The following SLC22A11 variants were observed in gnomAD, a reference collection of about 807,000 sequenced individuals.
The protein encoded by SLC22A11 is solute carrier family 22 member 11.
In SLC22A11, 42 loss-of-function variants were observed where a neutral mutation model predicts 49.4. That is an observed-to-expected ratio of 0.85 (90% CI 0.66 to 1.10). The LOEUF (loss-of-function observed/expected upper bound fraction) is 1.10, where lower values mean the gene tolerates loss of function less well. Among genes scored for constraint, SLC22A11 ranks in the 50% least tolerant of loss-of-function variants. The pLI, the probability that SLC22A11 is intolerant of heterozygous loss-of-function variation, is 0.00. For missense variants in SLC22A11, 685 were observed against 731.6 expected, an observed-to-expected ratio of 0.94 and a Z score of 0.74; for synonymous variants, 304 against 315.8, an observed-to-expected ratio of 0.96 and a Z score of 0.40.
chr11:64,561,197 G>A (rs995309140), intron 2 of SLC22A11, among the ~76,000 whole-genome samples: 1 of 152,192 alleles, frequency 6.6e-6, no homozygotes, highest in Non-Finnish European at 1.5e-5. Flanking sequence ...CTCTGCATCC[G>A]CCCCATGAGC....
chr11:64,571,176 G>A lies in SLC22A11; in HGVS notation c.*134G>A. ...GCAGAGGCCAGGCAGCCGTGGCCGA[G>A]TGGACAGCGTGGCCGTCTGCTGTGG... On this transcript the variant is annotated 3_prime_UTR_variant, in exon 10 of 10. Transcript: ENST00000301891. The A allele has an allele frequency of 1.1e-6, 1 of 889,186 alleles. No homozygotes were observed. The highest frequency in any genetic ancestry group is 2.5e-5 in the East Asian group (1 of 40,734). The allele number at this position is 889,186 out of a possible 1,614,324, so 55.1% of individuals were successfully genotyped here.
chr11:64,564,280 T>C lies in SLC22A11; in HGVS notation c.822-28T>C, dbSNP rs74399625. ...CCCCGGGGGAGAGCCCAGCGTGCAC[T>C]CCCAGCTACACACCTGCCTCCTTAC... On this transcript the variant is annotated intron_variant, in intron 4 of 9. Coordinates refer to ENST00000301891, the MANE Select transcript of SLC22A11 (RefSeq NM_018484.4). This position sits in a 1 kb window ranked among gnomAD's most constrained non-coding sequence, Gnocchi z 4.2. 6.2e-7 allele frequency: 1 copy of C among 1,613,370 alleles called. No individual in the cohort carries two copies. Among genetic ancestry groups the C allele is most frequent in the Non-Finnish European group, 8.5e-7 (1 of 1,179,746 alleles).
Position 64,568,759 on chromosome 11 carries a change from C to T in SLC22A11, c.1363C>T (p.Leu455Phe). ...LTCLTIYKAE[L>F]FPTPVRMTAD... Reference sequence around the variant, plus strand: ...CTGCCTCACCATCTACAAGGCTGAACTCTTTCCAACGCCAGTGCGGTAAGC... The same window carrying T: ...CTGCCTCACCATCTACAAGGCTGAATTCTTTCCAACGCCAGTGCGGTAAGC... The change falls in exon 8 of 10, where the codon CTC becomes TTC. Residue 455 changes from leucine (L) to phenylalanine (F), a missense_variant. By Grantham distance (22) the Leu-to-Phe change is conservative. Transcript: ENST00000301891. The T allele has an allele frequency of 6.2e-7, 1 of 1,614,092 alleles. No individual in the cohort carries two copies. Among genetic ancestry groups the T allele is most frequent in the Admixed American group, 1.7e-5 (1 of 60,032 alleles).
chr11:64,567,751 T>C lies in SLC22A11; in HGVS notation c.1211T>C (p.Ile404Thr), dbSNP rs377395837. 5.6e-6 allele frequency: 9 copies of C among 1,612,910 alleles called. No individual in the cohort carries two copies. Among genetic ancestry groups the C allele is most frequent in the Middle Eastern group, 3.4e-4 (2 of 5,928 alleles). Residue 404 changes from isoleucine (I) to threonine (T), a missense_variant, in exon 7 of 10, where the codon ATC becomes ACC. Transcript: ENST00000301891. ...LLLSFLGRRT[I>T]QAGSQAMAGL... ...CTCAGTTTCCTTGGCCGCCGCACCA[T>C]CCAGGCGGGTTCCCAGGCCATGGCC...
At chr11:64,558,628 G>T (rs1156950277) in intron 1 of SLC22A11, among the ~76,000 whole-genome samples, 1 of 152,178 alleles carries the variant, frequency 6.6e-6, no homozygotes, top group East Asian at 1.9e-4. Flanking sequence ...CCCAGCCGAG[G>T]CAGTGGCTCT....
chr11:64,569,855 G>T lies in SLC22A11; in HGVS notation c.1586G>T (p.Ser529Ile). Residue 529 changes from serine to isoleucine, a missense_variant, in exon 9 of 10, where the codon AGC becomes ATC. Transcript: ENST00000301891. ...PLPDTIQDLE[S>I]QKSTAAQGNR... ...CCTGACACTATCCAGGACCTGGAGA[G>T]CCAGTGAGTGACCTGTGATCCCTGG... The T allele has an allele frequency of 6.2e-7, 1 of 1,612,520 alleles. No individual in the cohort carries two copies. The highest frequency in any genetic ancestry group is 8.5e-7 in the Non-Finnish European group (1 of 1,180,008).
intron 9 of SLC22A11, 132 bp from the exon 10 acceptor site, chr11:64,570,847 G>A (rs963866666): frequency 3.5e-5 from 27 of 762,964 alleles, no homozygotes; most frequent in East Asian, 1.5e-4. Flanking sequence ...TCCCGCTTGG[G>A]TACACAGAAG....
rs747047045 is a variant in SLC22A11 at position 64,567,745 on chromosome 11, G to T, written c.1205G>T (p.Arg402Leu). 2 of 1,612,946 alleles carry T rather than the reference G, an allele frequency of 1.2e-6. No homozygotes were observed. The highest frequency in any genetic ancestry group is 1.1e-5 in the South Asian group (1 of 91,068). ...TALLLSFLGR[R>L]TIQAGSQAMA... The stretch of plus-strand genomic sequence containing the variant: ...CTCTTGCTCAGTTTCCTTGGCCGCC[G>T]CACCATCCAGGCGGGTTCCCAGGCC... The change falls in exon 7 of 10, where the codon CGC becomes CTC. Residue 402 changes from arginine (R) to leucine (L), a missense_variant. Physicochemically the swap from Arg to Leu is moderately radical, Grantham distance 102. Coordinates refer to ENST00000301891, the MANE Select transcript of SLC22A11 (RefSeq NM_018484.4).
intron 9 of SLC22A11, 61 bp from the exon 10 acceptor site, chr11:64,570,918 C>T (rs537615791): frequency 6.3e-7 from 1 of 1,579,296 alleles, no homozygotes; most frequent in South Asian, 1.1e-5. Context: ...CCATTTTGCC[C>T]CAAGCTCCGA....
At position 64,558,452 on chromosome 11, in the gene SLC22A11, G is replaced by C. The variant is rs142852645; in HGVS notation, c.394-683G>C. Among the ~76,000 whole-genome samples the C allele has an allele frequency of 3.3e-3, 501 of 152,312 alleles. 1 individual carries two copies. Among genetic ancestry groups the C allele is most frequent in the Non-Finnish European group, 5.8e-3 (394 of 68,020 alleles). On this transcript the variant is annotated intron_variant, in intron 1 of 9. Transcript: ENST00000301891. ...GAGCTGCCGGGCCTCAGTGGAGGAC[G>C]GACTTGGGGATGGGTGTGGGGTGTT...
rs548630126 is a variant in SLC22A11, at chr11:64,556,519, G to A, written c.393+127G>A. 1.4e-4 allele frequency: 197 copies of A among 1,405,922 alleles called. 1 individual carries two copies. In the Admixed American group the frequency reaches 1.8e-3, roughly 13 times the overall value. The allele number at this position is 1,405,922 out of a possible 1,614,324, so 87.1% of individuals were successfully genotyped here. On this transcript the variant is annotated intron_variant, in intron 1 of 9. Coordinates refer to ENST00000301891, the MANE Select transcript of SLC22A11 (RefSeq NM_018484.4). ...CTCCTCTCGAGCCTCTCAGCCCCTCGTCAGCCACACACAGGGGAGTGGGCG... is the reference window on the plus strand; with the variant it reads ...CTCCTCTCGAGCCTCTCAGCCCCTCATCAGCCACACACAGGGGAGTGGGCG...
rs748780870 is a variant in SLC22A11 at position 64,556,100 on chromosome 11, A to G, written c.101A>G (p.Gln34Arg). The stretch of plus-strand genomic sequence containing the variant: ...CTCCCCTGCCTCATGATACCTTCCC[A>G]GATGCTCCTGGAGAACTTCTCAGCC... ...FILPCLMIPSQMLLENFSAAI... is the reference protein window; with the variant it reads ...FILPCLMIPSRMLLENFSAAI... Residue 34 changes from glutamine (Q) to arginine (R), a missense_variant, in exon 1 of 10, where the codon CAG becomes CGG. Gln to Arg is a conservative substitution (Grantham distance 43). Coordinates refer to ENST00000301891, the MANE Select transcript of SLC22A11 (RefSeq NM_018484.4). 1.3e-5 allele frequency: 21 copies of G among 1,614,098 alleles called. No individual in the cohort carries two copies. The highest frequency in any genetic ancestry group is 1.4e-5 in the Non-Finnish European group (17 of 1,180,010).
chr11:64,567,901 GC>G (rs369580711), intron 7 of SLC22A11, 88 bp downstream of exon 7: 2 of 1,363,842 alleles, frequency 1.5e-6, no homozygotes, highest in Non-Finnish European at 2.0e-6. Flanking sequence ...CCCCTCCCTG[GC>G]CCCAGGAGCT....
At chr11:64,560,470 C>CGAGGAG (rs1364510454) in intron 2 of SLC22A11, among the ~76,000 whole-genome samples, 3 of 152,242 alleles carry the variant, frequency 2.0e-5, no homozygotes, top group Non-Finnish European at 4.4e-5. Flanking sequence ...CACCAGCCTC[C>CGAGGAG]TCCTGGGGCC....
chr11:64,560,306 C>T lies in SLC22A11; in HGVS notation c.497+1068C>T, dbSNP rs370746171. On this transcript the variant is annotated intron_variant, in intron 2 of 9. Transcript: ENST00000301891. Reference sequence around the variant, plus strand: ...AGGTGTCCTCTGCAGTGGCCGTCCACGCTGCCACAGCACTGAGTGACTTTG... The same window carrying T: ...AGGTGTCCTCTGCAGTGGCCGTCCATGCTGCCACAGCACTGAGTGACTTTG... Among the ~76,000 whole-genome samples the T allele has an allele frequency of 1.5e-3, 228 of 152,218 alleles. 1 individual carries two copies. Among genetic ancestry groups the T allele is most frequent in the African/African-American group, 5.2e-3 (214 of 41,520 alleles).
intron 4 of SLC22A11, among the ~76,000 whole-genome samples, chr11:64,563,609 C>CCAAAAAA (rs2038580615): frequency 6.1e-5 from 1 of 16,408 alleles, no homozygotes; most frequent in African/African-American, 1.7e-4. Flanking sequence ...TTTAAATGTG[C>CCAAAAAA]TAAAAAAAAA....
Position 64,564,247 on chromosome 11 carries a change from CCA to C in SLC22A11, c.822-59_822-58del, listed in dbSNP as rs1330798695. 2.5e-6 allele frequency: 4 copies of C among 1,601,476 alleles called. No homozygotes were observed. In the African/African-American group the frequency reaches 5.3e-5, roughly 21 times the overall value. On this transcript the variant is annotated intron_variant, in intron 4 of 9. Transcript: ENST00000301891. The surrounding 1 kb of genome is among the most constrained non-coding windows in gnomAD (Gnocchi z 4.2). ...GAGGGTCCGTGCCCACTGCCCCTTT[CCA>C]CCCCGCCCCGGGGGAGAGCCCAGCG...
chr11:64,556,429 C>G, intron 1 of SLC22A11, 37 bp downstream of exon 1: 1 of 1,600,792 alleles, frequency 6.2e-7, no homozygotes, highest in Non-Finnish European at 8.5e-7. Context: ...GTCCCGTCAC[C>G]TTGGAGGTCA....
rs1214923969 is a variant in SLC22A11, at chr11:64,564,051, G to A, written c.822-257G>A. ...TGCCCTGGCTGTGTGCAGGGCTCAG[G>A]TGGGCAGGCCCCGGGCAGCCAGGCG... is the stretch of plus-strand genomic sequence containing the variant. On this transcript the variant is annotated intron_variant, in intron 4 of 9. Transcript: ENST00000301891. The surrounding 1 kb of genome is among the most constrained non-coding windows in gnomAD (Gnocchi z 4.2). Among the ~76,000 whole-genome samples the A allele has an allele frequency of 6.6e-6, 1 of 152,176 alleles. No homozygotes were observed. The highest frequency in any genetic ancestry group is 1.5e-5 in the Non-Finnish European group (1 of 68,016).
Sources: gnomAD v4.1 joint callset for allele counts (sites outside exome capture counted in the v4.1 genomes callset) on GRCh38, gnomAD v4.1.1 for gene constraint, Gnocchi (gnomAD v3.1) non-coding constraint, MANE v1.5 for transcripts, NCBI Gene and HGNC (gene_info 2026-07-23, HGNC 2026-07-21) for gene names.